The following NUDT12 variants were observed in gnomAD, a reference collection of about 807,000 sequenced individuals.
NUDT12 encodes the protein nudix hydrolase 12.
In NUDT12, 42 loss-of-function variants were observed where a neutral mutation model predicts 45.7. That is an observed-to-expected ratio of 0.92 (90% CI 0.72 to 1.19). The LOEUF is 1.19. Among genes scored for constraint, NUDT12 ranks in the 50% most tolerant of loss-of-function variants. The pLI, the probability that NUDT12 is intolerant of heterozygous loss-of-function variation, is 0.00. For missense variants in NUDT12, 590 were observed against 533.1 expected (o/e 1.11, Z -1.05); for synonymous variants, 206 against 179.7 (o/e 1.15, Z -1.17).
At position 103,549,141 on chromosome 5, in the gene NUDT12, A is replaced by AT. The variant is rs1258824561; in HGVS notation, c.*1719dup. 1 of 152,136 alleles carries AT rather than the reference A, an allele frequency of 6.6e-6. No homozygotes were observed. The highest frequency in any genetic ancestry group is 1.5e-5 in the Non-Finnish European group (1 of 67,966). The allele number at this position is 152,136 out of a possible 1,614,324, so 9.4% of individuals were successfully genotyped here. ...CATTATGAAAACCTGGAATTTTACA[A>AT]TGTAATCTTAGAATCTGCAAGTATT... is the stretch of plus-strand genomic sequence containing the variant. On this transcript the variant is annotated 3_prime_UTR_variant, in exon 7 of 7. Transcript: ENST00000230792.
At chr5:103,558,809 A>G in intron 3 of NUDT12, 70 bp downstream of exon 3, 1 of 1,067,794 alleles carries the variant, frequency 9.4e-7, no homozygotes, top group Non-Finnish European at 1.3e-6. Flanking sequence ...TGGAAAGTGC[A>G]AATACATACA....
chr5:103,560,698 C>G (rs1334646296), intron 1 of NUDT12, among the ~76,000 whole-genome samples: 1 of 152,114 alleles, frequency 6.6e-6, no homozygotes, highest in East Asian at 1.9e-4. Context: ...ACAATTAATT[C>G]TGTAATCCAT....
rs2112441201 is a variant in NUDT12, at chr5:103,549,702, C to A, written c.*1159G>T. Reference sequence around the variant, plus strand: ...GCTCTAGCATACATTAGTAAAGATGCAAATTATACAAATTTTGATATTCAT... The same window carrying A: ...GCTCTAGCATACATTAGTAAAGATGAAAATTATACAAATTTTGATATTCAT... On this transcript the variant is annotated 3_prime_UTR_variant, in exon 7 of 7. Coordinates refer to ENST00000230792, the MANE Select transcript of NUDT12 (RefSeq NM_031438.4). The A allele has an allele frequency of 1.3e-5, 2 of 152,070 alleles. No individual in the cohort carries two copies. The highest frequency in any genetic ancestry group is 2.1e-4 in the South Asian group (1 of 4,814). The allele number at this position is 152,070 out of a possible 1,614,324, so 9.4% of individuals were successfully genotyped here.
chr5:103,558,729 G>GATCTC, intron 3 of NUDT12, 150 bp downstream of exon 3: 1 of 570,708 alleles, frequency 1.8e-6, no homozygotes, highest in Admixed American at 3.4e-5. Flanking sequence ...TAGTCCCCTA[G>GATCTC]GGTGAGAACT....
chr5:103,550,589 G>T lies in NUDT12; in HGVS notation c.*272C>A, dbSNP rs1748621144. 4.0e-6 allele frequency: 1 copy of T among 248,056 alleles called. No individual in the cohort carries two copies. Among genetic ancestry groups the T allele is most frequent in the African/African-American group, 2.2e-5 (1 of 45,102 alleles). The allele number at this position is 248,056 out of a possible 1,614,324, so 15.4% of individuals were successfully genotyped here. A position where few individuals can be genotyped will look rare whatever the true frequency, so the allele number is the denominator to read the frequency against. On this transcript the variant is annotated 3_prime_UTR_variant, in exon 7 of 7. Transcript: ENST00000230792. Reference sequence around the variant, plus strand: ...TGTCTCTTATTAGAAAAATGGTTTTGTGAGATAAAACTGTGAAGGAAGAAA... The same window carrying T: ...TGTCTCTTATTAGAAAAATGGTTTTTTGAGATAAAACTGTGAAGGAAGAAA...
At chr5:103,555,270 T>C (rs1180605874) in intron 4 of NUDT12, among the ~76,000 whole-genome samples, 3 of 152,098 alleles carry the variant, frequency 2.0e-5, no homozygotes, top group Non-Finnish European at 4.4e-5. Flanking sequence ...TAAAAGCTAA[T>C]GTGATTCTAT....
Position 103,552,289 on chromosome 5 carries a change from A to G in NUDT12, c.1206T>C (p.Ala402=). The G allele has an allele frequency of 6.2e-7, 1 of 1,613,936 alleles. No individual in the cohort carries two copies. Among genetic ancestry groups the G allele is most frequent in the South Asian group, 1.1e-5 (1 of 91,084 alleles). The change falls in exon 6 of 7, where the codon GCT becomes GCC. Residue 402 remains alanine, a synonymous_variant. Transcript: ENST00000230792. ...MPSSLMIGCL[A]LAVSTEIKVD... ...CTTTAATTTCTGTAGACACTGCTAG[A>G]GCTAAGCAACCAATCATTAAGGAGG...
At chr5:103,562,239 G>C (rs891097948) in intron 1 of NUDT12, among the ~76,000 whole-genome samples, 30 of 152,066 alleles carry the variant, frequency 2.0e-4, no homozygotes, top group African/African-American at 7.2e-4. Context: ...CACACAGACC[G>C]AATGGGACAG....
Position 103,552,414 on chromosome 5 carries a change from C to G in NUDT12, c.1081G>C (p.Glu361Gln). Reference sequence around the variant, plus strand: ...CTCCTAACAGCATCTTCTATTGTCTCTCCTAATGAAATGGAGCAAAAGAAC... The same window carrying G: ...CTCCTAACAGCATCTTCTATTGTCTGTCCTAATGAAATGGAGCAAAAGAAC... ...TCLAGFIEPG[E>Q]TIEDAVRREV... The change falls in exon 6 of 7, where the codon GAG (glutamate) becomes CAG (glutamine). Residue 361 changes from glutamate to glutamine, a missense_variant and splice_region_variant. Physicochemically the swap from Glu to Gln is conservative, Grantham distance 29. Coordinates refer to ENST00000230792, the MANE Select transcript of NUDT12 (RefSeq NM_031438.4). The G allele has an allele frequency of 6.2e-7, 1 of 1,612,488 alleles. No homozygotes were observed. The highest frequency in any genetic ancestry group is 8.5e-7 in the Non-Finnish European group (1 of 1,178,764).
At position 103,559,383 on chromosome 5, in the gene NUDT12, G is replaced by C; in HGVS notation, c.292C>G (p.Leu98Val). 6.2e-7 allele frequency: 1 copy of C among 1,611,858 alleles called. No individual in the cohort carries two copies. The highest frequency in any genetic ancestry group is 1.7e-4 in the Middle Eastern group (1 of 6,054). ...TTCTTCCCACCTTTAGCAGTAGCTA[G>C]TAAATTAGCTATATGCTTATAACCC... is the stretch of plus-strand genomic sequence containing the variant. ...FWGYKHIANL[L>V]ATAKGGKKPW... Residue 98 changes from leucine (L) to valine (V), a missense_variant, in exon 3 of 7, where the codon CTA (leucine) becomes GTA (valine). Coordinates refer to ENST00000230792, the MANE Select transcript of NUDT12 (RefSeq NM_031438.4).
chr5:103,562,302 G>C (rs1185317947), intron 1 of NUDT12, among the ~76,000 whole-genome samples: 1 of 152,032 alleles, frequency 6.6e-6, no homozygotes, highest in Non-Finnish European at 1.5e-5. Flanking sequence ...ATCAATTAAC[G>C]AATTTCATCC....
intron 3 of NUDT12, among the ~76,000 whole-genome samples, chr5:103,557,018 A>G (rs1748844400): frequency 6.6e-6 from 1 of 151,972 alleles, no homozygotes; most frequent in African/African-American, 2.4e-5. Flanking sequence ...AATCATCACA[A>G]TAAGAAAAGC....
chr5:103,554,831 A>T lies in NUDT12; in HGVS notation c.987T>A (p.Val329=). ...PRVDPVVIMQ[V]IHPDGTKCLL... is the part of the protein sequence containing the mutation. The stretch of plus-strand genomic sequence containing the variant: ...GGCATTTGGTCCCATCTGGATGAAT[A>T]ACTTGCATGATTACTACTGGATCTG... Residue 329 remains valine (V), a synonymous_variant, in exon 5 of 7, where the codon GTT becomes GTA. Coordinates refer to ENST00000230792, the MANE Select transcript of NUDT12 (RefSeq NM_031438.4). 1 of 1,542,730 alleles carries T rather than the reference A, an allele frequency of 6.5e-7. No homozygotes were observed. The highest frequency in any genetic ancestry group is 1.2e-5 in the South Asian group (1 of 82,906).
intron 3 of NUDT12, among the ~76,000 whole-genome samples, chr5:103,558,513 G>T (rs973267322): frequency 1.3e-5 from 2 of 152,056 alleles, no homozygotes; most frequent in Non-Finnish European, 2.9e-5. Flanking sequence ...AATGGCTTTA[G>T]AATCAAACCC....
chr5:103,560,895 CTT>C (rs1749013722), intron 1 of NUDT12, among the ~76,000 whole-genome samples: 1 of 152,034 alleles, frequency 6.6e-6, no homozygotes, highest in Non-Finnish European at 1.5e-5. Context: ...CTGTTGGTCA[CTT>C]TGTTGTCCTT....
intron 3 of NUDT12, among the ~76,000 whole-genome samples, chr5:103,558,554 T>C (rs1748907200): frequency 1.3e-5 from 2 of 152,096 alleles, no homozygotes; most frequent in African/African-American, 2.4e-5. Flanking sequence ...AAAAGCCCCA[T>C]CAACAGAATA....
At chr5:103,559,902 T>C (rs1461078521) in intron 2 of NUDT12, 141 bp downstream of exon 2, 3 of 590,696 alleles carry the variant, frequency 5.1e-6, no homozygotes, top group Non-Finnish European at 8.9e-6. Context: ...AAAATTGTGC[T>C]ACATTTTTAC....
chr5:103,552,315 A>G lies in NUDT12; in HGVS notation c.1180T>C (p.Ser394Pro). The G allele has an allele frequency of 6.2e-7, 1 of 1,613,866 alleles. No homozygotes were observed. The change falls in exon 6 of 7, where the codon TCC becomes CCC. Residue 394 changes from serine (S) to proline (P), a missense_variant. Physicochemically the swap from Ser to Pro is moderately conservative, Grantham distance 74 (BLOSUM62 -1). Coordinates refer to ENST00000230792, the MANE Select transcript of NUDT12 (RefSeq NM_031438.4). Reference sequence around the variant, plus strand: ...GCTAAGCAACCAATCATTAAGGAGGAAGGCATTGGCCATGGTTGACAAGCA... The same window carrying G: ...GCTAAGCAACCAATCATTAAGGAGGGAGGCATTGGCCATGGTTGACAAGCA... Reference protein sequence around the residue: ...YVACQPWPMPSSLMIGCLALA... With the variant: ...YVACQPWPMPPSLMIGCLALA...
rs1748575481 is a variant in NUDT12 at position 103,549,166 on chromosome 5, TA to T, written c.*1694del. 2 of 152,234 alleles carry T rather than the reference TA, an allele frequency of 1.3e-5. No individual in the cohort carries two copies. The highest frequency in any genetic ancestry group is 4.1e-4 in the South Asian group (2 of 4,830). The allele number at this position is 152,234 out of a possible 1,614,324, so 9.4% of individuals were successfully genotyped here. ...ATGTAATCTTAGAATCTGCAAGTAT[TA>T]AAAGTACATTTAGAGTAAAACTGAA... On this transcript the variant is annotated 3_prime_UTR_variant, in exon 7 of 7. Coordinates refer to ENST00000230792, the MANE Select transcript of NUDT12 (RefSeq NM_031438.4).
Sources: allele counts gnomAD v4.1 joint callset (sites outside exome capture counted in the v4.1 genomes callset), GRCh38; gene constraint gnomAD v4.1.1; transcripts MANE v1.5; gene names NCBI Gene and HGNC (gene_info 2026-07-23, HGNC 2026-07-21).